Variants in PTPN14 observed in about 807,000 individuals in gnomAD.
PTPN14 encodes tyrosine-protein phosphatase non-receptor type 14.
PTPN14 carries 53 observed loss-of-function variants against 126.8 expected under a neutral mutation model. That is an observed-to-expected ratio of 0.42 (90% CI 0.34 to 0.53). PTPN14 has a LOEUF of 0.53. Ranked by LOEUF, PTPN14 falls within the 20% of genes least tolerant of loss-of-function variation. PTPN14 has a pLI of 0.08. For synonymous variants in PTPN14, 630 were observed against 599.3 expected (o/e 1.05, Z -0.75); for missense variants, 1,257 against 1,552.9 (o/e 0.81, Z 3.20).
At position 214,390,987 on chromosome 1, in the gene PTPN14, C is replaced by A; in HGVS notation, c.987+1G>T. On this transcript the variant is annotated splice_donor_variant, in intron 11 of 18. Coordinates refer to ENST00000366956, the MANE Select transcript of PTPN14 (RefSeq NM_005401.5). LOFTEE classifies it high-confidence loss of function. ...TTGATCACTGCAGCTTCTATACATA[C>A]CAGAGAGGATCGGCTCCAGGTGGGC... 1 of 1,561,510 alleles carries A rather than the reference C, an allele frequency of 6.4e-7. No homozygotes were observed. The highest frequency in any genetic ancestry group is 8.8e-7 in the Non-Finnish European group (1 of 1,140,858).
intron 1 of PTPN14, among the ~76,000 whole-genome samples, chr1:214,478,624 G>A (rs1660917930): frequency 6.6e-6 from 1 of 152,148 alleles, no homozygotes; most frequent in Non-Finnish European, 1.5e-5. Flanking sequence ...TTTGGAAGAA[G>A]GGTTCCTTCA....
Position 214,464,619 on chromosome 1 carries a change from A to C in PTPN14, c.174+11T>G, listed in dbSNP as rs771939256. The C allele has an allele frequency of 6.2e-7, 1 of 1,612,886 alleles. No individual in the cohort carries two copies. The highest frequency in any genetic ancestry group is 8.5e-7 in the Non-Finnish European group (1 of 1,179,040). On this transcript the variant is annotated intron_variant, in intron 2 of 18. Transcript: ENST00000366956. Reference sequence around the variant, plus strand: ...CACGCGCACATGCGCACACAGACACACCCCTCTTACCTCTCGCAGCTCCAG... The same window carrying C: ...CACGCGCACATGCGCACACAGACACCCCCCTCTTACCTCTCGCAGCTCCAG...
At chr1:214,466,519 A>G (rs954304539) in intron 1 of PTPN14, among the ~76,000 whole-genome samples, 1 of 152,218 alleles carries the variant, frequency 6.6e-6, no homozygotes, top group African/African-American at 2.4e-5. Flanking sequence ...CATTATTGCC[A>G]TGGACAACAC....
intron 3 of PTPN14, among the ~76,000 whole-genome samples, chr1:214,430,535 G>A (rs757374853): frequency 4.6e-5 from 7 of 152,144 alleles, no homozygotes; most frequent in Non-Finnish European, 8.8e-5. Flanking sequence ...AATGGGTCTC[G>A]TCCAATCAGT....
At chr1:214,481,231 C>T (rs76463378) in intron 1 of PTPN14, among the ~76,000 whole-genome samples, 6,425 of 152,176 alleles carry the variant, frequency 0.042, 172 homozygotes, top group South Asian at 0.063. Context: ...AACTGCCGGG[C>T]GCAGTGGCTC....
intron 1 of PTPN14, among the ~76,000 whole-genome samples, chr1:214,513,998 G>A (rs756487051): frequency 2.0e-5 from 3 of 151,984 alleles, no homozygotes; most frequent in Non-Finnish European, 4.4e-5. Context: ...AGAATTTCAG[G>A]GCCTGCCCAA....
At position 214,511,486 on chromosome 1, in the gene PTPN14, C is replaced by CAAA. The variant is rs112523413; in HGVS notation, c.-155+39694_-155+39696dup. On this transcript the variant is annotated intron_variant, in intron 1 of 18. Transcript: ENST00000366956. ...TATCACCTCACAGGATGGCCCTTAT[C>CAAA]AAAAAAAAAAAAATAGAAAGAAAAG... Among the ~76,000 whole-genome samples the CAAA allele has an allele frequency of 7.0e-3, 879 of 124,764 alleles. 4 individuals are homozygous for CAAA. Among genetic ancestry groups the CAAA allele is most frequent in the Non-Finnish European group, 0.012 (682 of 56,090 alleles). 81.9% of individuals were successfully genotyped at this position (124,764 alleles called of 152,430 possible).
At chr1:214,501,807 C>G (rs986162038) in intron 1 of PTPN14, among the ~76,000 whole-genome samples, 9 of 152,074 alleles carry the variant, frequency 5.9e-5, no homozygotes, top group African/African-American at 1.9e-4. Context: ...CGCCTGTAAT[C>G]CCAGCACTTT....
At position 214,420,011 on chromosome 1, in the gene PTPN14, G is replaced by A. The variant is rs117457453; in HGVS notation, c.345-5285C>T. 3.1e-3 allele frequency among the ~76,000 whole-genome samples: 467 copies of A among 152,260 alleles called. 11 individuals are homozygous for A. The East Asian group carries it at 0.054, about 18-fold the overall frequency. On this transcript the variant is annotated intron_variant, in intron 3 of 18. Coordinates refer to ENST00000366956, the MANE Select transcript of PTPN14 (RefSeq NM_005401.5). ...TATGACTATTAAAGTCTAATAATGC[G>A]TTTGGTACCTGACCCATGCACTATC...
At chr1:214,372,882 GAC>G in intron 15 of PTPN14, 43 bp from the exon 16 acceptor site, 1 of 1,609,114 alleles carries the variant, frequency 6.2e-7, no homozygotes, top group Non-Finnish European at 8.5e-7. Context: ...CCCAAGTCCG[GAC>G]AACATTACCT....
intron 2 of PTPN14, among the ~76,000 whole-genome samples, chr1:214,463,337 T>C (rs925344179): frequency 2.1e-4 from 32 of 151,744 alleles, no homozygotes; most frequent in African/African-American, 6.8e-4. Context: ...GAGAGCCAGC[T>C]ACCCATCAAC....
chr1:214,550,366 G>A (rs1030545025), intron 1 of PTPN14, among the ~76,000 whole-genome samples: 5 of 152,260 alleles, frequency 3.3e-5, no homozygotes, highest in Non-Finnish European at 7.3e-5. Context: ...AGACTTAAGC[G>A]GAAACCCCAC....
chr1:214,412,599 T>C (rs1048476382), intron 4 of PTPN14, among the ~76,000 whole-genome samples: 2 of 152,200 alleles, frequency 1.3e-5, no homozygotes, highest in Non-Finnish European at 2.9e-5. Context: ...GTTCAATAAT[T>C]GGTTATCACA....
At chr1:214,398,685 G>A (rs1658945295) in intron 7 of PTPN14, among the ~76,000 whole-genome samples, 1 of 142,376 alleles carries the variant, frequency 7.0e-6, no homozygotes, top group Non-Finnish European at 1.5e-5. Context: ...CTCCATCCTC[G>A]GCCTCCCAAA....
chr1:214,464,598 C>T (rs202087037), intron 2 of PTPN14, 32 bp downstream of exon 2: 150 of 1,605,308 alleles, frequency 9.3e-5, no homozygotes, highest in East Asian at 1.3e-4. Context: ...CGCATGCACG[C>T]GCACATGCGC....
intron 1 of PTPN14, among the ~76,000 whole-genome samples, chr1:214,480,275 A>G (rs1660956103): frequency 6.6e-6 from 1 of 152,208 alleles, no homozygotes; most frequent in South Asian, 2.1e-4. Flanking sequence ...ACAAATGACT[A>G]TGATTTCCAT....
At chr1:214,495,649 T>G (rs1450818566) in intron 1 of PTPN14, among the ~76,000 whole-genome samples, 1 of 151,148 alleles carries the variant, frequency 6.6e-6, no homozygotes, top group East Asian at 1.9e-4. Context: ...AGTTATCATG[T>G]GCTATTTTAT....
chr1:214,384,797 A>T lies in PTPN14; in HGVS notation c.1067-9T>A, dbSNP rs1254440980. The T allele has an allele frequency of 3.1e-6, 5 of 1,602,154 alleles. No homozygotes were observed. The highest frequency in any genetic ancestry group is 4.3e-6 in the Non-Finnish European group (5 of 1,173,248). On this transcript the variant is annotated splice_polypyrimidine_tract_variant and intron_variant, in intron 12 of 18. Transcript: ENST00000366956. This position sits in a 1 kb window ranked among gnomAD's most constrained non-coding sequence, Gnocchi z 5.3. ...CCCATGAAAAATGCTGTCTACAAGA[A>T]GTCAAACAAAGGCACGTGAACCTCC... is the stretch of plus-strand genomic sequence containing the variant.
intron 1 of PTPN14, among the ~76,000 whole-genome samples, chr1:214,501,132 T>C (rs148597146): frequency 1.4e-3 from 220 of 152,354 alleles, no homozygotes; most frequent in Non-Finnish European, 2.6e-3. Flanking sequence ...TGGAGCTGGG[T>C]AAAATGCCAA....
Sources: gnomAD v4.1 joint callset for allele counts (sites outside exome capture counted in the v4.1 genomes callset) on GRCh38, gnomAD v4.1.1 for gene constraint, Gnocchi (gnomAD v3.1) non-coding constraint, MANE v1.5 for transcripts, NCBI Gene and HGNC (gene_info 2026-07-23, HGNC 2026-07-21) for gene names.